Variants in FAM135B observed in about 807,000 individuals in gnomAD.
The protein encoded by FAM135B is family with sequence similarity 135 member B.
Under a neutral mutation model 127.7 loss-of-function variants are expected in FAM135B, and 43 were observed. The ratio of observed to expected loss-of-function variants is 0.34; its 90% confidence interval spans 0.26 to 0.43. The LOEUF is 0.43. FAM135B is among the 20% of genes least tolerant of loss of function. FAM135B has a pLI of 1.00. For synonymous variants in FAM135B, 670 were observed against 665.1 expected (o/e 1.01, Z -0.11); for missense variants, 1,558 against 1,725.6 (o/e 0.90, Z 1.72).
At chr8:138,369,145 T>A (rs371084526) in intron 1 of FAM135B, among the ~76,000 whole-genome samples, 3 of 152,026 alleles carry the variant, frequency 2.0e-5, no homozygotes, top group East Asian at 1.9e-4. Flanking sequence ...AGACTCCCGA[T>A]AGGATAAGAG....
chr8:138,148,895 C>A (rs1337284565), intron 13 of FAM135B: 4 of 276,118 alleles, frequency 1.4e-5, no homozygotes, highest in Non-Finnish European at 2.7e-5. Context: ...AAACCAAACA[C>A]CGCATGTTCT....
At chr8:138,177,637 C>T (rs1051259617) in intron 10 of FAM135B, among the ~76,000 whole-genome samples, 5 of 152,142 alleles carry the variant, frequency 3.3e-5, no homozygotes, top group African/African-American at 1.2e-4. Flanking sequence ...TATGAACACA[C>T]GTGAATGCAG....
intron 7 of FAM135B, among the ~76,000 whole-genome samples, chr8:138,204,754 T>C (rs1817427883): frequency 1.3e-5 from 2 of 152,250 alleles, no homozygotes; most frequent in Admixed American, 1.3e-4. Flanking sequence ...AATATGTATG[T>C]AACCTGATTT....
intron 1 of FAM135B, among the ~76,000 whole-genome samples, chr8:138,399,732 C>T (rs1003069936): frequency 1.3e-5 from 2 of 152,152 alleles, no homozygotes; most frequent in Admixed American, 1.3e-4. Context: ...TGAACAATAG[C>T]CCCTACCTAA....
At chr8:138,398,863 C>A (rs746953603) in intron 1 of FAM135B, among the ~76,000 whole-genome samples, 1 of 152,312 alleles carries the variant, frequency 6.6e-6, no homozygotes, top group Non-Finnish European at 1.5e-5. Context: ...TTCCCAGCCT[C>A]TATTTCCCCT....
chr8:138,280,409 A>C (rs1242775016), intron 3 of FAM135B, among the ~76,000 whole-genome samples: 1 of 151,684 alleles, frequency 6.6e-6, no homozygotes, highest in Non-Finnish European at 1.5e-5. Context: ...ATTATGGTGC[A>C]GAGGCAACCA....
chr8:138,308,600 T>C (rs1175844838), intron 3 of FAM135B, among the ~76,000 whole-genome samples: 2 of 151,166 alleles, frequency 1.3e-5, no homozygotes, highest in Non-Finnish European at 2.9e-5. Context: ...ATAATTATTC[T>C]TCTGTTAAAC....
In FAM135B at chr8:138,243,145, A is replaced by AG; in HGVS notation, c.543-78dup. On this transcript the variant is annotated intron_variant, in intron 6 of 19. Coordinates refer to ENST00000395297, the MANE Select transcript of FAM135B (RefSeq NM_015912.4). This position sits in a 1 kb window ranked among gnomAD's most constrained non-coding sequence, Gnocchi z 7.5. The stretch of plus-strand genomic sequence containing the variant: ...TGCCATTAACTCAGCCCCTTTGAGG[A>AG]GTGTTCCTGTGAAGCATTTGGGATA... The AG allele has an allele frequency of 6.6e-7, 1 of 1,510,336 alleles. No individual in the cohort carries two copies. The highest frequency in any genetic ancestry group is 8.9e-7 in the Non-Finnish European group (1 of 1,127,500). The allele number at this position is 1,510,336 out of a possible 1,614,324, so 93.6% of individuals were successfully genotyped here.
intron 2 of FAM135B, among the ~76,000 whole-genome samples, chr8:138,318,594 G>A (rs957581512): frequency 4.6e-5 from 7 of 152,234 alleles, no homozygotes; most frequent in Non-Finnish European, 1.0e-4. Context: ...AAGCCACAGA[G>A]TTGGCAAAGG....
intron 2 of FAM135B, among the ~76,000 whole-genome samples, chr8:138,356,652 C>A (rs1485273393): frequency 6.6e-6 from 1 of 152,088 alleles, no homozygotes; most frequent in African/African-American, 2.4e-5. Context: ...ATGGTGAAAG[C>A]AAAGATCTCC....
intron 3 of FAM135B, among the ~76,000 whole-genome samples, chr8:138,294,479 AAAAAC>A (rs1480205716): frequency 1.3e-5 from 2 of 152,200 alleles, no homozygotes; most frequent in Admixed American, 1.3e-4. Context: ...ATAAAGCTAG[AAAAAC>A]AAAACAAACC....
At chr8:138,424,548 C>A (rs1587420167) in intron 1 of FAM135B, among the ~76,000 whole-genome samples, 1 of 152,156 alleles carries the variant, frequency 6.6e-6, no homozygotes, top group South Asian at 2.1e-4. Context: ...TCAGACTAAG[C>A]AATTTCTATG....
At chr8:138,324,258 G>A (rs1827651507) in intron 2 of FAM135B, among the ~76,000 whole-genome samples, 1 of 152,154 alleles carries the variant, frequency 6.6e-6, no homozygotes, top group Non-Finnish European at 1.5e-5. Flanking sequence ...AGGAAGTAAG[G>A]TTTTTCAAAC....
At position 138,235,387 on chromosome 8, in the gene FAM135B, TG is replaced by T. The variant is rs201844269; in HGVS notation, c.669+7554del. On this transcript the variant is annotated intron_variant, in intron 7 of 19. Coordinates refer to ENST00000395297, the MANE Select transcript of FAM135B (RefSeq NM_015912.4). ...AATGTTTGATTAGTGAATAAACCAA[TG>T]GCAGTATCTCTGCTCAAAGAGATGT... 2.4e-3 allele frequency among the ~76,000 whole-genome samples: 365 copies of T among 152,310 alleles called. 1 individual carries two copies. The highest frequency in any genetic ancestry group is 8.0e-3 in the African/African-American group (332 of 41,566).
intron 1 of FAM135B, among the ~76,000 whole-genome samples, chr8:138,447,816 A>AT (rs536176649): frequency 1.1e-3 from 167 of 151,848 alleles, no homozygotes; most frequent in African/African-American, 3.6e-3. Context: ...ATAATAAAAA[A>AT]AAAAAGAAAA....
intron 7 of FAM135B, among the ~76,000 whole-genome samples, chr8:138,223,055 T>G (rs1334169873): frequency 6.6e-6 from 1 of 152,160 alleles, no homozygotes; most frequent in African/African-American, 2.4e-5. Context: ...TGTTAGAGGG[T>G]GTCTGCCACA....
chr8:138,265,858 C>T lies in FAM135B; in HGVS notation c.158-16G>A, dbSNP rs2130633368. ...CTGCTGCTCTCTGCAAAACAAGAAT[C>T]AGTAGGAACCCATGAACTCCAATAC... On this transcript the variant is annotated splice_polypyrimidine_tract_variant and intron_variant, in intron 3 of 19. Coordinates refer to ENST00000395297, the MANE Select transcript of FAM135B (RefSeq NM_015912.4). 19 of 1,611,684 alleles carry T rather than the reference C, an allele frequency of 1.2e-5. No individual in the cohort carries two copies. The highest frequency in any genetic ancestry group is 1.6e-5 in the Non-Finnish European group (19 of 1,179,506).
chr8:138,137,639 G>A (rs1332610582), intron 18 of FAM135B, among the ~76,000 whole-genome samples: 1 of 152,010 alleles, frequency 6.6e-6, no homozygotes, highest in Admixed American at 6.6e-5. Flanking sequence ...ATATTAAGGG[G>A]TTCATAAGGA....
intron 2 of FAM135B, among the ~76,000 whole-genome samples, chr8:138,354,713 G>C (rs998300885): frequency 6.6e-6 from 1 of 152,098 alleles, no homozygotes; most frequent in Non-Finnish European, 1.5e-5. Context: ...TGAGCAAATT[G>C]ATGACAGTCT....
Sources: allele counts gnomAD v4.1 joint callset (sites outside exome capture counted in the v4.1 genomes callset), GRCh38; gene constraint gnomAD v4.1.1; non-coding constraint Gnocchi (gnomAD v3.1); transcripts MANE v1.5; gene names NCBI Gene and HGNC (gene_info 2026-07-23, HGNC 2026-07-21).